CACNA1D: variants seen among roughly 807,000 people sequenced by gnomAD.
CACNA1D encodes the protein voltage-dependent L-type calcium channel subunit alpha-1D.
Under a neutral mutation model 257.1 loss-of-function variants are expected in CACNA1D, and 55 were observed. That is an observed-to-expected ratio of 0.21 (90% CI 0.17 to 0.27). The LOEUF (loss-of-function observed/expected upper bound fraction) is 0.27, where lower values mean the gene tolerates loss of function less well. Among genes scored for constraint, CACNA1D ranks in the 10% least tolerant of loss-of-function variants. The pLI is 1.00. For synonymous variants in CACNA1D, 980 were observed against 1,014.9 expected (o/e 0.97, Z 0.65); for missense variants, 1,876 against 2,784.0 (o/e 0.67, Z 7.34).
At chr3:53,669,846 G>A (rs1343009630) in intron 7 of CACNA1D, among the ~76,000 whole-genome samples, 1 of 152,230 alleles carries the variant, frequency 6.6e-6, no homozygotes, top group Non-Finnish European at 1.5e-5. Flanking sequence ...GTAGGGCAGG[G>A]AAAGAGTGTT....
At chr3:53,547,966 G>A (rs897925807) in intron 3 of CACNA1D, among the ~76,000 whole-genome samples, 9 of 152,144 alleles carry the variant, frequency 5.9e-5, no homozygotes, top group African/African-American at 1.4e-4. Context: ...GAGCAATGGG[G>A]ACAGCTCCAG....
At chr3:53,574,365 C>G (rs952226793) in intron 3 of CACNA1D, among the ~76,000 whole-genome samples, 10 of 152,220 alleles carry the variant, frequency 6.6e-5, no homozygotes, top group African/African-American at 1.4e-4. Flanking sequence ...TGAGGGGACT[C>G]TCTCTGCCTC....
At chr3:53,678,049 A>G (rs762335226) in intron 8 of CACNA1D, among the ~76,000 whole-genome samples, 91 of 152,242 alleles carry the variant, frequency 6.0e-4, no homozygotes, top group Non-Finnish European at 1.1e-3. Flanking sequence ...GAATCGAATC[A>G]ATTCAGTCCT....
chr3:53,501,850 A>C (rs2090616544), intron 3 of CACNA1D, 130 bp downstream of exon 3: 1 of 674,608 alleles, frequency 1.5e-6, no homozygotes. Context: ...GGAGCTTTGC[A>C]ACAGTGGTTT....
At position 53,495,102 on chromosome 3, in the gene CACNA1D, C is replaced by T; in HGVS notation, c.-65C>T. The T allele has an allele frequency of 1.8e-6, 2 of 1,088,604 alleles. No individual in the cohort carries two copies. The highest frequency in any genetic ancestry group is 2.7e-6 in the Non-Finnish European group (2 of 732,490). 67.4% of individuals were successfully genotyped at this position (1,088,604 alleles called of 1,614,324 possible). ...CCTCTTGGTGATCCCCTTCCCCATTCCGCCCCCGCCTCAACGCCCAGCACA... is the reference window on the plus strand; with the variant it reads ...CCTCTTGGTGATCCCCTTCCCCATTTCGCCCCCGCCTCAACGCCCAGCACA... On this transcript the variant is annotated 5_prime_UTR_variant, in exon 1 of 48. Transcript: ENST00000350061. The surrounding 1 kb of genome is among the most constrained non-coding windows in gnomAD (Gnocchi z 5.1).
chr3:53,813,183 A>G lies in CACNA1D; in HGVS notation c.*1777A>G, dbSNP rs1008034497. On this transcript the variant is annotated 3_prime_UTR_variant, in exon 48 of 48. Transcript: ENST00000350061. ...TAACAAACACCACTTTGTTATGAAG[A>G]CCTTACAAACCTCTTCTTAAGACAT... The G allele has an allele frequency of 2.8e-5, 4 of 145,294 alleles. No homozygotes were observed. The highest frequency in any genetic ancestry group is 7.7e-5 in the African/African-American group (3 of 38,894). 9.0% of individuals were successfully genotyped at this position (145,294 alleles called of 1,614,324 possible). A position where few individuals can be genotyped will look rare whatever the true frequency, so the allele number is the denominator to read the frequency against.
At position 53,722,486 on chromosome 3, in the gene CACNA1D, G is replaced by A; in HGVS notation, c.1666+12G>A. 6.2e-7 allele frequency: 1 copy of A among 1,613,948 alleles called. No homozygotes were observed. Among genetic ancestry groups the A allele is most frequent in the East Asian group, 2.2e-5 (1 of 44,872 alleles). On this transcript the variant is annotated intron_variant, in intron 12 of 47. Coordinates refer to ENST00000350061, the MANE Select transcript of CACNA1D (RefSeq NM_001128840.3). The stretch of plus-strand genomic sequence containing the variant: ...GACACAGATTCAAGGTACAAGCAGA[G>A]GCCATTCCTTTTTTGTTCTGAACTA...
In CACNA1D at chr3:53,666,412, G is replaced by A. The variant is rs772393855; in HGVS notation, c.993G>A (p.Thr331=). The A allele has an allele frequency of 1.1e-5, 17 of 1,614,136 alleles. No individual in the cohort carries two copies. The highest frequency in any genetic ancestry group is 3.3e-4 in the Middle Eastern group (2 of 6,062). The change falls in exon 7 of 48, where the codon ACG becomes ACA. Residue 331 remains threonine, a synonymous_variant. Coordinates refer to ENST00000350061, the MANE Select transcript of CACNA1D (RefSeq NM_001128840.3). ...GNGRQCTANG[T]ECRSGWVGPN... ...GACGCCAGTGTACTGCCAATGGCAC[G>A]GAATGTAGGAGTGGCTGGGTTGGCC...
At chr3:53,554,502 T>TTC (rs1399483694) in intron 3 of CACNA1D, among the ~76,000 whole-genome samples, 1 of 152,236 alleles carries the variant, frequency 6.6e-6, no homozygotes, top group African/African-American at 2.4e-5. Flanking sequence ...AGGGGCTCCC[T>TTC]TCTTCGTGCC....
At chr3:53,695,865 C>G (rs2094568557) in intron 8 of CACNA1D, among the ~76,000 whole-genome samples, 1 of 152,194 alleles carries the variant, frequency 6.6e-6, no homozygotes. Context: ...AAATTTCTGT[C>G]TGTTCCTCCT....
At chr3:53,529,722 G>A (rs1252872761) in intron 3 of CACNA1D, among the ~76,000 whole-genome samples, 1 of 152,144 alleles carries the variant, frequency 6.6e-6, no homozygotes, top group African/African-American at 2.4e-5. Context: ...GAGAGGCTGG[G>A]AAATACTTTA....
Position 53,751,311 on chromosome 3 carries a change from C to T in CACNA1D, c.3517-438C>T, listed in dbSNP as rs1335898445. On this transcript the variant is annotated intron_variant, in intron 27 of 47. Transcript: ENST00000350061. This position sits in a 1 kb window ranked among gnomAD's most constrained non-coding sequence, Gnocchi z 4.3. ...TTCTGTGGTTACTTGGCCTCCTTTC[C>T]TGGAGGACAGCACAGGCAGGGGAAC... Among the ~76,000 whole-genome samples, 1 of 152,234 alleles carries T rather than the reference C, an allele frequency of 6.6e-6. No homozygotes were observed. The highest frequency in any genetic ancestry group is 1.5e-5 in the Non-Finnish European group (1 of 68,036).
At position 53,525,906 on chromosome 3, in the gene CACNA1D, G is replaced by A. The variant is rs567744505; in HGVS notation, c.483+24186G>A. 1.4e-4 allele frequency among the ~76,000 whole-genome samples: 21 copies of A among 152,288 alleles called. No individual in the cohort carries two copies. In the South Asian group the frequency reaches 1.7e-3, roughly 12 times the overall value. Reference sequence around the variant, plus strand: ...GGGATAAACTGGAGTCAGCTCAGGCGCTCAAATGATGTCACCAGGATCTGG... The same window carrying A: ...GGGATAAACTGGAGTCAGCTCAGGCACTCAAATGATGTCACCAGGATCTGG... On this transcript the variant is annotated intron_variant, in intron 3 of 47. Coordinates refer to ENST00000350061, the MANE Select transcript of CACNA1D (RefSeq NM_001128840.3).
intron 3 of CACNA1D, among the ~76,000 whole-genome samples, chr3:53,624,187 A>G (rs2093730851): frequency 6.6e-6 from 1 of 152,192 alleles, no homozygotes. Flanking sequence ...GTTATAAACC[A>G]CTGTAGAGAA....
chr3:53,781,842 T>C, intron 39 of CACNA1D, 175 bp downstream of exon 39: 1 of 647,842 alleles, frequency 1.5e-6, no homozygotes, highest in South Asian at 1.7e-5. Context: ...GGGGGTGATA[T>C]GAAGAACATT....
At chr3:53,744,897 G>A (rs1332633425) in intron 23 of CACNA1D, 70 bp downstream of exon 23, 30 of 848,444 alleles carry the variant, frequency 3.5e-5, no homozygotes, top group South Asian at 8.0e-5. Flanking sequence ...GCTCTTCTGG[G>A]CAGAGCTGAG....
intron 4 of CACNA1D, among the ~76,000 whole-genome samples, chr3:53,652,511 A>G (rs941913529): frequency 6.6e-6 from 1 of 152,222 alleles, no homozygotes; most frequent in Non-Finnish European, 1.5e-5. Context: ...TGAGGCCAGG[A>G]AAGACCACTA....
At chr3:53,695,795 C>T (rs1483174708) in intron 8 of CACNA1D, among the ~76,000 whole-genome samples, 1 of 152,194 alleles carries the variant, frequency 6.6e-6, no homozygotes. Context: ...GCACCATTTT[C>T]TTCTTATTTT....
Position 53,731,106 on chromosome 3 carries a change from A to G in CACNA1D, c.2366A>G (p.Asn789Ser), listed in dbSNP as rs1364672715. Residue 789 changes from asparagine to serine, a missense_variant, in exon 17 of 48, where the codon AAC (asparagine) becomes AGC (serine). By Grantham distance (46) the Asn-to-Ser change is conservative (BLOSUM62 1). This residue lies in a region of CACNA1D where 78 missense variants were observed against 69.2 expected (regional missense o/e 1.13). Transcript: ENST00000350061. ...GAGAGCCTAGAAAATAAAAAGAACA[A>G]CAAACCAGAAGTCAACCAGATAGCC... ...RKESLENKKN[N>S]KPEVNQIANS... 2 of 1,611,532 alleles carry G rather than the reference A, an allele frequency of 1.2e-6. No homozygotes were observed. The highest frequency in any genetic ancestry group is 1.7e-6 in the Non-Finnish European group (2 of 1,177,722).
Sources: gnomAD v4.1 joint callset for allele counts (sites outside exome capture counted in the v4.1 genomes callset) on GRCh38, gnomAD v4.1.1 for gene constraint, gnomAD v4.1.1 regional missense constraint, Gnocchi (gnomAD v3.1) non-coding constraint, MANE v1.5 for transcripts, NCBI Gene and HGNC (gene_info 2026-07-23, HGNC 2026-07-21) for gene names.